Variants in RFX3 observed in about 807,000 individuals in gnomAD.
RFX3 encodes regulatory factor X3, also known as transcription factor RFX3.
A neutral mutation model predicts 98.6 loss-of-function variants in RFX3; 14 were observed. The ratio of observed to expected loss-of-function variants is 0.14; its 90% CI spans 0.09 to 0.22. The LOEUF is 0.22. Among genes scored for constraint, RFX3 ranks in the 10% least tolerant of loss-of-function variants. RFX3 has a pLI of 1.00. For synonymous variants in RFX3, 383 were observed against 328.4 expected, an observed-to-expected ratio of 1.17 and a Z score of -1.80; for missense variants, 639 against 926.9, an observed-to-expected ratio of 0.69 and a Z score of 4.03.
chr9:3,275,030 T>C (rs1397229743), intron 9 of RFX3, among the ~76,000 whole-genome samples: 1 of 152,034 alleles, frequency 6.6e-6, no homozygotes, highest in Non-Finnish European at 1.5e-5. Flanking sequence ...TCCATTTTGG[T>C]ATGTGTATAG....
At chr9:3,359,912 T>C (rs749776761) in intron 2 of RFX3, among the ~76,000 whole-genome samples, 2 of 152,208 alleles carry the variant, frequency 1.3e-5, no homozygotes, top group African/African-American at 2.4e-5. Flanking sequence ...GTTGCTACTA[T>C]GTTAAACATT....
chr9:3,495,701 A>T (rs1176775043), intron 1 of RFX3, among the ~76,000 whole-genome samples: 1 of 152,070 alleles, frequency 6.6e-6, no homozygotes, highest in Non-Finnish European at 1.5e-5. Context: ...CTCTTAAAAT[A>T]TCAAGGCAAT....
At chr9:3,390,351 C>A (rs1482301747) in intron 2 of RFX3, among the ~76,000 whole-genome samples, 1 of 152,298 alleles carries the variant, frequency 6.6e-6, no homozygotes, top group East Asian at 1.9e-4. Context: ...GAGGTTGGAA[C>A]AGTTCGGAGA....
intron 6 of RFX3, among the ~76,000 whole-genome samples, chr9:3,291,383 CAAAAACAAAAA>C (rs1392870931): frequency 1.9e-4 from 24 of 125,448 alleles, no homozygotes; most frequent in African/African-American, 7.1e-4. Flanking sequence ...AAAAACAAAA[CAAAAACAAAAA>C]CAAAACAAAA....
At position 3,256,987 on chromosome 9, in the gene RFX3, A is replaced by G. The variant is rs775249308; in HGVS notation, c.1814+4T>C. On this transcript the variant is annotated splice_donor_region_variant and intron_variant, in intron 14 of 16. Transcript: ENST00000617270. Reference sequence around the variant, plus strand: ...AGAAAGCCTAGGAAAAACCTAGATGATACCTGTAGAAAGACCATTTTAGCA... The same window carrying G: ...AGAAAGCCTAGGAAAAACCTAGATGGTACCTGTAGAAAGACCATTTTAGCA... 1.2e-6 allele frequency: 2 copies of G among 1,613,606 alleles called. No homozygotes were observed. Among genetic ancestry groups the G allele is most frequent in the African/African-American group, 2.7e-5 (2 of 74,926 alleles).
chr9:3,338,494 G>A (rs949774748), intron 3 of RFX3, among the ~76,000 whole-genome samples: 2 of 151,202 alleles, frequency 1.3e-5, no homozygotes, highest in African/African-American at 4.9e-5. Flanking sequence ...TGTAAGGATC[G>A]GCACATCTTT....
chr9:3,351,813 T>C (rs751592261), intron 2 of RFX3, among the ~76,000 whole-genome samples: 2 of 151,940 alleles, frequency 1.3e-5, no homozygotes, highest in Non-Finnish European at 2.9e-5. Flanking sequence ...TTAAAGACAA[T>C]ATTTTAAGAA....
At chr9:3,410,459 G>T (rs898627224) in intron 1 of RFX3, among the ~76,000 whole-genome samples, 5 of 151,810 alleles carry the variant, frequency 3.3e-5, no homozygotes, top group Admixed American at 2.6e-4. Flanking sequence ...AAACCAAAAA[G>T]ACTAATTTCT....
At chr9:3,300,368 A>G (rs1415658004) in intron 5 of RFX3, among the ~76,000 whole-genome samples, 1 of 151,798 alleles carries the variant, frequency 6.6e-6, no homozygotes, top group Non-Finnish European at 1.5e-5. Context: ...TTTGTTTTCC[A>G]TGATACTTTC....
intron 13 of RFX3, among the ~76,000 whole-genome samples, chr9:3,261,446 GT>G (rs753049969): frequency 1.3e-4 from 19 of 151,998 alleles, no homozygotes; most frequent in Non-Finnish European, 2.5e-4. Flanking sequence ...TGTTTCCAAG[GT>G]TCATCTATAC....
chr9:3,364,513 T>G (rs1478920034), intron 2 of RFX3: 1 of 184,180 alleles, frequency 5.4e-6, no homozygotes, highest in Non-Finnish European at 1.1e-5. Context: ...AATTAAATCC[T>G]CCAGGCAGAT....
intron 2 of RFX3, among the ~76,000 whole-genome samples, chr9:3,358,766 G>C (rs1416162401): frequency 6.6e-6 from 1 of 151,968 alleles, no homozygotes; most frequent in Admixed American, 6.6e-5. Flanking sequence ...AGTTCCACAG[G>C]GCTTGGGAGG....
intron 12 of RFX3, among the ~76,000 whole-genome samples, 183 bp downstream of exon 12, chr9:3,266,025 C>T (rs1177376558): frequency 6.6e-6 from 1 of 152,026 alleles, no homozygotes; most frequent in Non-Finnish European, 1.5e-5. Context: ...CATTGTCAAA[C>T]ATCTCTTGTG....
At chr9:3,248,276 G>A (rs1820942143) in intron 14 of RFX3, 91 bp from the exon 15 acceptor site, 1 of 1,442,584 alleles carries the variant, frequency 6.9e-7, no homozygotes, top group Non-Finnish European at 9.1e-7. Flanking sequence ...AAGTCAAGCT[G>A]GGAGTCTATA....
chr9:3,516,547 A>G (rs959193686), intron 1 of RFX3, among the ~76,000 whole-genome samples: 1 of 152,196 alleles, frequency 6.6e-6, no homozygotes, highest in African/African-American at 2.4e-5. Flanking sequence ...AGGGACCCCA[A>G]AGTAGTCCAA....
chr9:3,461,513 G>C lies in RFX3; in HGVS notation c.-9+64234C>G, dbSNP rs533818572. Reference sequence around the variant, plus strand: ...AATGGGATACAATTTAAGAACTACTGCATGTTCAAGGAATAGTTTCCTGCC... The same window carrying C: ...AATGGGATACAATTTAAGAACTACTCCATGTTCAAGGAATAGTTTCCTGCC... On this transcript the variant is annotated intron_variant, in intron 1 of 16. Coordinates refer to ENST00000617270, the MANE Select transcript of RFX3 (RefSeq NM_001282116.2). Among the ~76,000 whole-genome samples, 57 of 152,074 alleles carry C rather than the reference G, an allele frequency of 3.7e-4. 2 individuals carry two copies. In the South Asian group the frequency reaches 7.2e-3, roughly 19 times the overall value.
intron 2 of RFX3, among the ~76,000 whole-genome samples, chr9:3,378,843 A>G (rs1289231130): frequency 6.6e-6 from 1 of 152,058 alleles, no homozygotes; most frequent in Non-Finnish European, 1.5e-5. Flanking sequence ...GGCGTGAACT[A>G]CCATGCCCGG....
intron 3 of RFX3, among the ~76,000 whole-genome samples, chr9:3,343,241 A>T (rs1041254545): frequency 6.6e-6 from 1 of 152,160 alleles, no homozygotes. Flanking sequence ...CGAGCTTACT[A>T]AGCATGCACA....
At chr9:3,392,699 A>T (rs140487854) in intron 2 of RFX3, among the ~76,000 whole-genome samples, 342 of 152,188 alleles carry the variant, frequency 2.2e-3, no homozygotes, top group African/African-American at 8.0e-3. Context: ...TAAAACTGGA[A>T]TTTCAAATAT....
Sources: allele counts gnomAD v4.1 joint callset (sites outside exome capture counted in the v4.1 genomes callset), GRCh38; gene constraint gnomAD v4.1.1; transcripts MANE v1.5; gene names NCBI Gene and HGNC (gene_info 2026-07-23, HGNC 2026-07-21).